Variants in LY75 observed in about 807,000 individuals in gnomAD.
LY75 encodes the protein lymphocyte antigen 75.
LY75 carries 185 observed loss-of-function variants against 231.7 expected under a neutral mutation model. The ratio of observed to expected loss-of-function variants is 0.80; its 90% confidence interval spans 0.71 to 0.90. The LOEUF is 0.90. Among genes scored for constraint, LY75 ranks in the 40% least tolerant of loss-of-function variants. The pLI, the probability that LY75 is intolerant of heterozygous loss-of-function variation, is 0.00. For synonymous variants in LY75, 668 were observed against 689.0 expected (o/e 0.97, Z 0.48); for missense variants, 1,947 against 2,050.2 (o/e 0.95, Z 0.97).
intron 24 of LY75, among the ~76,000 whole-genome samples, chr2:159,842,016 A>C (rs945964364): frequency 5.9e-5 from 9 of 152,068 alleles, no homozygotes; most frequent in Non-Finnish European, 7.4e-5. Flanking sequence ...AATTAATATA[A>C]ATTCTTTTAT....
chr2:159,859,379 C>A (rs1470912317), intron 15 of LY75, among the ~76,000 whole-genome samples: 3 of 152,208 alleles, frequency 2.0e-5, no homozygotes, highest in Non-Finnish European at 4.4e-5. Context: ...TGTTGAATCT[C>A]TTTCTTGGAC....
At chr2:159,809,299 A>C (rs562222221) in intron 32 of LY75, among the ~76,000 whole-genome samples, 1 of 152,360 alleles carries the variant, frequency 6.6e-6, no homozygotes, top group South Asian at 2.1e-4. Context: ...ACTATGGATC[A>C]AATTTGTCAC....
rs758297475 is a variant in LY75, at chr2:159,852,215, G to T, written c.2869C>A (p.Pro957Thr). Residue 957 changes from proline to threonine, a missense_variant, in exon 21 of 35, where the codon CCT becomes ACT. Physicochemically the swap from Pro to Thr is conservative, Grantham distance 38. Transcript: ENST00000263636. Reference protein sequence around the residue: ...AKVQCSEQWIPFQNKCFLKIK... With the variant: ...AKVQCSEQWITFQNKCFLKIK... ...TCTCTTTTTACCTTATTCTGAAAAG[G>T]AATCCATTGCTCAGAACATTGCACT... 6.2e-7 allele frequency: 1 copy of T among 1,613,244 alleles called. No individual in the cohort carries two copies. Among genetic ancestry groups the T allele is most frequent in the African/African-American group, 1.3e-5 (1 of 74,864 alleles).
Position 159,878,362 on chromosome 2 carries a change from C to T in LY75, c.1736G>A (p.Arg579Gln), listed in dbSNP as rs765141034. The change falls in exon 11 of 35, where the codon CGG becomes CAG. Residue 579 changes from arginine to glutamine, a missense_variant. Physicochemically the swap from Arg to Gln is conservative, Grantham distance 43. Transcript: ENST00000263636. ...YNWATVGGRRRAVTFSNWNFL... is the reference protein window; with the variant it reads ...YNWATVGGRRQAVTFSNWNFL... The stretch of plus-strand genomic sequence containing the variant: ...ATTCCAGTTGGAAAAGGTTACAGCC[C>T]GCCTTCTTCCACCAACAGTTGCCCA... 3.8e-5 allele frequency: 62 copies of T among 1,613,900 alleles called. 1 individual carries two copies. The Admixed American group carries it at 5.0e-4, about 13-fold the overall frequency.
intron 23 of LY75, among the ~76,000 whole-genome samples, chr2:159,847,604 T>C (rs1684242094): frequency 6.6e-6 from 1 of 152,326 alleles, no homozygotes; most frequent in African/African-American, 2.4e-5. Flanking sequence ...AACATCTTTA[T>C]TTCATAGCTA....
rs1002790150 is a variant in LY75 at position 159,860,831 on chromosome 2, G to A, written c.2258C>T (p.Ala753Val). The part of the protein sequence containing the change: ...FQQDYDIRDC[A>V]AVKVFHRPWR... ...CAGCATTGTACTGACCTTGACAGCA[G>A]CACAGTCTCTGATGTCATAATCCTG... Residue 753 changes from alanine (A) to valine (V), a missense_variant, in exon 15 of 35, where the codon GCT becomes GTT. Transcript: ENST00000263636. The A allele has an allele frequency of 5.6e-6, 9 of 1,613,776 alleles. No homozygotes were observed. The highest frequency in any genetic ancestry group is 7.6e-6 in the Non-Finnish European group (9 of 1,179,878).
rs1553805727 is a variant in LY75 at position 159,850,791 on chromosome 2, T to TAA, written c.2884-325_2884-324insTT. Among the ~76,000 whole-genome samples, 38 of 94,510 alleles carry TAA rather than the reference T, an allele frequency of 4.0e-4. 4 individuals are homozygous for TAA. Among genetic ancestry groups the TAA allele is most frequent in the Non-Finnish European group, 7.5e-4 (33 of 43,798 alleles). 62.0% of individuals were successfully genotyped at this position (94,510 alleles called of 152,430 possible). A position where few individuals can be genotyped will look rare whatever the true frequency, so the allele number is the denominator to read the frequency against. On this transcript the variant is annotated intron_variant, in intron 21 of 34. Coordinates refer to ENST00000263636, the MANE Select transcript of LY75 (RefSeq NM_002349.4). ...AAACTTTCATATATATATATATATA[T>TAA]ATATATATTATATCTTATATATAAG...
chr2:159,882,231 T>C lies in LY75; in HGVS notation c.1139A>G (p.Asn380Ser). ...GFCYLLVNES[N>S]SWDKAHAKCK... ...TTTCGCATGTGCCTTATCCCAGGAA[T>C]TACTTTCATTTACCAGCAGATAGCA... Residue 380 changes from asparagine (N) to serine (S), a missense_variant, in exon 7 of 35, where the codon AAT becomes AGT. Coordinates refer to ENST00000263636, the MANE Select transcript of LY75 (RefSeq NM_002349.4). 1.2e-6 allele frequency: 2 copies of C among 1,614,048 alleles called. No homozygotes were observed. Among genetic ancestry groups the C allele is most frequent in the Non-Finnish European group, 1.7e-6 (2 of 1,179,930 alleles).
chr2:159,874,602 T>TGTAC (rs1267777357), intron 12 of LY75, among the ~76,000 whole-genome samples: 4 of 131,966 alleles, frequency 3.0e-5, no homozygotes, highest in Admixed American at 8.2e-5. Context: ...TATATAAATA[T>TGTAC]ATATATTTTG....
chr2:159,827,036 G>A (rs1277563607), intron 28 of LY75, among the ~76,000 whole-genome samples: 1 of 152,116 alleles, frequency 6.6e-6, no homozygotes, highest in Non-Finnish European at 1.5e-5. Context: ...TACCATCCAG[G>A]ACATAGGCAT....
At chr2:159,846,366 A>C (rs1265141780) in intron 23 of LY75, among the ~76,000 whole-genome samples, 1 of 152,110 alleles carries the variant, frequency 6.6e-6, no homozygotes, top group Non-Finnish European at 1.5e-5. Flanking sequence ...CTCTACAAAA[A>C]AATTAGAAAA....
At chr2:159,883,432 T>C (rs1685499108) in intron 6 of LY75, among the ~76,000 whole-genome samples, 1 of 152,188 alleles carries the variant, frequency 6.6e-6, no homozygotes, top group Admixed American at 6.5e-5. Flanking sequence ...ATTTTATAAT[T>C]ATGATAAAGG....
chr2:159,894,663 G>A (rs1234567353), intron 2 of LY75, among the ~76,000 whole-genome samples: 1 of 152,192 alleles, frequency 6.6e-6, no homozygotes, highest in Admixed American at 6.5e-5. Context: ...AAGAGCTGCT[G>A]AATTTCTGAG....
At position 159,874,626 on chromosome 2, in the gene LY75, A is replaced by ATATATATTTT. The variant is rs1466868334; in HGVS notation, c.1974+817_1974+818insAAAATATATA. On this transcript the variant is annotated intron_variant, in intron 12 of 34. Coordinates refer to ENST00000263636, the MANE Select transcript of LY75 (RefSeq NM_002349.4). ...ATATATATTTTGTAAATATATATATAGTAAATATATGTAAATATATATATT... is the reference window on the plus strand; with the variant it reads ...ATATATATTTTGTAAATATATATATATATATATTTTGTAAATATATGTAAATATATATATT... Among the ~76,000 whole-genome samples the ATATATATTTT allele has an allele frequency of 6.3e-4, 10 of 15,776 alleles. 1 individual carries two copies. The highest frequency in any genetic ancestry group is 9.2e-4 in the East Asian group (1 of 1,082). The allele number at this position is 15,776 out of a possible 152,430, so 10.3% of individuals were successfully genotyped here. A position where few individuals can be genotyped will look rare whatever the true frequency, so the allele number is the denominator to read the frequency against.
intron 19 of LY75, 89 bp downstream of exon 19, chr2:159,853,541 A>T (rs1684465028): frequency 6.3e-7 from 1 of 1,581,612 alleles, no homozygotes; most frequent in African/African-American, 1.4e-5. Flanking sequence ...TAATATTCAA[A>T]CTACTTATAA....
chr2:159,875,071 T>C (rs1685224267), intron 12 of LY75, among the ~76,000 whole-genome samples: 1 of 148,286 alleles, frequency 6.7e-6, no homozygotes, highest in Non-Finnish European at 1.5e-5. Context: ...AAAGTGTAAA[T>C]ATATATACAC....
intron 3 of LY75, among the ~76,000 whole-genome samples, chr2:159,892,630 T>C (rs1290522977): frequency 6.6e-6 from 1 of 152,182 alleles, no homozygotes; most frequent in African/African-American, 2.4e-5. Context: ...TTTCAACCTA[T>C]TGTCCATTAA....
chr2:159,840,005 CAAA>C (rs10671183), intron 25 of LY75, among the ~76,000 whole-genome samples: 4 of 58,914 alleles, frequency 6.8e-5, no homozygotes, highest in East Asian at 8.4e-4. Context: ...GAACCTGTCT[CAAA>C]AAAAAAAAAA....
Position 159,885,265 on chromosome 2 carries a change from GC to G in LY75, c.941del (p.Gly314AlafsTer31), listed in dbSNP as rs1487605376. On this transcript the variant is annotated frameshift_variant, in exon 6 of 35. Coordinates refer to ENST00000263636, the MANE Select transcript of LY75 (RefSeq NM_002349.4). LOFTEE classifies it high-confidence loss of function. ...CAGCATCCATTCTTGCACAGCTGGAGCCACCTATAGTAGGTGCACTGGGCCT... is the reference window on the plus strand; with the variant it reads ...CAGCATCCATTCTTGCACAGCTGGAGCACCTATAGTAGGTGCACTGGGCCT... ...PDRPSAPTIG[G>X]SSCARMDAES... is the part of the protein sequence containing the mutation. 29 of 1,613,508 alleles carry G rather than the reference GC, an allele frequency of 1.8e-5. No individual in the cohort carries two copies. Among genetic ancestry groups the G allele is most frequent in the Non-Finnish European group, 2.2e-5 (26 of 1,179,684 alleles).
Sources: gnomAD v4.1 joint callset for allele counts (sites outside exome capture counted in the v4.1 genomes callset) on GRCh38, gnomAD v4.1.1 for gene constraint, MANE v1.5 for transcripts, NCBI Gene and HGNC (gene_info 2026-07-23, HGNC 2026-07-21) for gene names.